Variants in ANKFY1 observed in about 807,000 individuals in gnomAD.
ANKFY1 encodes ankyrin repeat and FYVE domain containing 1.
ANKFY1 carries 47 observed loss-of-function variants against 128.3 expected under a neutral mutation model. The observed-to-expected ratio is 0.37, with a 90% CI of 0.29 to 0.47. The LOEUF (loss-of-function observed/expected upper bound fraction) is 0.47, where lower values mean the gene tolerates loss of function less well. Ranked by LOEUF, ANKFY1 falls within the 20% of genes least tolerant of loss-of-function variation. The pLI is 1.00. For missense variants in ANKFY1, 1,222 were observed against 1,510.6 expected (o/e 0.81, Z 3.17); for synonymous variants, 553 against 601.6 (o/e 0.92, Z 1.18).
chr17:4,252,565 CA>C (rs372440248), intron 1 of ANKFY1, among the ~76,000 whole-genome samples: 63 of 147,436 alleles, frequency 4.3e-4, no homozygotes, highest in Admixed American at 1.2e-3. Context: ...AACAAACAAA[CA>C]AAAAAAAAAT....
chr17:4,192,932 T>C lies in ANKFY1; in HGVS notation c.1372+2046A>G, dbSNP rs555922836. On this transcript the variant is annotated intron_variant, in intron 10 of 24. Transcript: ENST00000341657. ...CTAAGATTACACGTATAATGAAAAA[T>C]GAAATATATCAATAGAAAAAACAAT... Among the ~76,000 whole-genome samples the C allele has an allele frequency of 5.3e-5, 8 of 151,832 alleles. No homozygotes were observed. The South Asian group carries it at 1.7e-3, about 32-fold the overall frequency.
intron 4 of ANKFY1, among the ~76,000 whole-genome samples, chr17:4,215,282 T>C (rs866766376): frequency 5.7e-5 from 5 of 87,628 alleles, no homozygotes; most frequent in African/African-American, 1.5e-4. Context: ...AGTGAGGCTG[T>C]CTTCTAAAAA....
Position 4,183,526 on chromosome 17 carries a change from C to G in ANKFY1, c.1824G>C (p.Leu608=). The G allele has an allele frequency of 6.2e-7, 1 of 1,612,680 alleles. No homozygotes were observed. Among genetic ancestry groups the G allele is most frequent in the African/African-American group, 1.3e-5 (1 of 75,014 alleles). Residue 608 remains leucine, a synonymous_variant, in exon 14 of 25, where the codon CTG becomes CTC. Transcript: ENST00000341657. ...CATTGATGGCGGCTCCAGAGCCCAG[C>G]AGCTGGGCTGCGATCGTGTGCATGC... The part of the protein sequence containing the change: ...WTGMHTIAAQ[L]LGSGAAINDT...
intron 1 of ANKFY1, among the ~76,000 whole-genome samples, chr17:4,259,278 C>A (rs1009620256): frequency 6.6e-6 from 1 of 152,136 alleles, no homozygotes; most frequent in Non-Finnish European, 1.5e-5. Context: ...TTAAACACTA[C>A]ATTTTATTTT....
chr17:4,170,668 CACT>C (rs1272646041), intron 23 of ANKFY1, 44 bp downstream of exon 23: 1 of 1,569,530 alleles, frequency 6.4e-7, no homozygotes, highest in Non-Finnish European at 8.6e-7. Flanking sequence ...GCGATCCCAA[CACT>C]ACGACTGTGC....
chr17:4,262,870 C>G (rs1012697036), intron 1 of ANKFY1, among the ~76,000 whole-genome samples: 9 of 152,184 alleles, frequency 5.9e-5, no homozygotes, highest in African/African-American at 1.9e-4. Context: ...ACGAGGTTAT[C>G]TGAAGTCTAA....
rs2060359419 is a variant in ANKFY1, at chr17:4,223,290, T to G, written c.323-6172A>C. ...AACTGAGGGAATCTTCACTTGTTTT[T>G]ACGGCAGTGCAAGTTAGTAGAGGCC... is the stretch of plus-strand genomic sequence containing the variant. On this transcript the variant is annotated intron_variant, in intron 3 of 24. Coordinates refer to ENST00000341657, the MANE Select transcript of ANKFY1 (RefSeq NM_001330063.2). 8 of 1,013,684 alleles carry G rather than the reference T, an allele frequency of 7.9e-6. No individual in the cohort carries two copies. In the East Asian group the frequency reaches 1.9e-4, roughly 24 times the overall value. 62.8% of individuals were successfully genotyped at this position (1,013,684 alleles called of 1,614,324 possible). A position where few individuals can be genotyped will look rare whatever the true frequency, so the allele number is the denominator to read the frequency against.
At chr17:4,263,511 C>A (rs1166228098) in intron 1 of ANKFY1, 3 of 1,373,290 alleles carry the variant, frequency 2.2e-6, no homozygotes, top group African/African-American at 2.9e-5. Context: ...GAGACCCACG[C>A]TCTTCCGCAA....
chr17:4,235,924 A>C, intron 2 of ANKFY1, 34 bp from the exon 3 acceptor site: 1 of 1,486,896 alleles, frequency 6.7e-7, no homozygotes, highest in Non-Finnish European at 9.4e-7. Context: ...ATATTAGAAA[A>C]ATGTCATCAT....
intron 23 of ANKFY1, 133 bp downstream of exon 23, chr17:4,170,582 C>T: frequency 6.2e-6 from 8 of 1,281,216 alleles, no homozygotes; most frequent in Non-Finnish European, 8.5e-6. Context: ...GAGAAATGGT[C>T]CCAGCTACTG....
intron 10 of ANKFY1, among the ~76,000 whole-genome samples, chr17:4,190,367 C>T (rs556787450): frequency 7.2e-5 from 11 of 151,900 alleles, no homozygotes; most frequent in Admixed American, 5.9e-4. Context: ...CTTGAACCCA[C>T]GAGGCAGAGG....
intron 4 of ANKFY1, among the ~76,000 whole-genome samples, chr17:4,210,261 C>G (rs79354780): frequency 6.6e-6 from 1 of 152,158 alleles, no homozygotes; most frequent in Non-Finnish European, 1.5e-5. Flanking sequence ...AGGTAATTGT[C>G]GAATCAAGCA....
intron 14 of ANKFY1, among the ~76,000 whole-genome samples, 192 bp from the exon 15 acceptor site, chr17:4,182,541 A>G (rs1052139686): frequency 1.3e-5 from 2 of 152,222 alleles, no homozygotes; most frequent in African/African-American, 4.8e-5. Flanking sequence ...ACACATAACC[A>G]TGTCACCTTA....
At chr17:4,183,725 C>A in intron 13 of ANKFY1, 87 bp downstream of exon 13, 1 of 1,461,276 alleles carries the variant, frequency 6.8e-7, no homozygotes, top group Non-Finnish European at 9.5e-7. Flanking sequence ...CCAGTCTCCT[C>A]TTTCTTTCTC....
chr17:4,255,951 A>G (rs1167449006), intron 1 of ANKFY1, among the ~76,000 whole-genome samples: 3 of 151,950 alleles, frequency 2.0e-5, no homozygotes, highest in South Asian at 4.1e-4. Context: ...CCGAATAGCT[A>G]GGATTACAGG....
chr17:4,213,203 T>G (rs1310132628), intron 4 of ANKFY1, among the ~76,000 whole-genome samples: 1 of 151,956 alleles, frequency 6.6e-6, no homozygotes, highest in Non-Finnish European at 1.5e-5. Context: ...GCTTTGGGTT[T>G]TTTTTGAGAC....
intron 4 of ANKFY1, among the ~76,000 whole-genome samples, chr17:4,213,143 T>A (rs1438108839): frequency 6.6e-6 from 1 of 152,166 alleles, no homozygotes; most frequent in Non-Finnish European, 1.5e-5. Flanking sequence ...GAGTCATTTC[T>A]CTGTTTAGCA....
chr17:4,216,638 A>G (rs1205987109), intron 4 of ANKFY1: 4 of 339,160 alleles, frequency 1.2e-5, no homozygotes, highest in African/African-American at 8.5e-5. Context: ...TCAACTTGAT[A>G]TATCAGAAAA....
intron 8 of ANKFY1, 143 bp downstream of exon 8, chr17:4,197,230 C>T: frequency 1.2e-6 from 1 of 822,044 alleles, no homozygotes; most frequent in Admixed American, 2.2e-5. Flanking sequence ...TACTACTACA[C>T]ATCGATGTCT....
Sources: gnomAD v4.1 joint callset for allele counts (sites outside exome capture counted in the v4.1 genomes callset) on GRCh38, gnomAD v4.1.1 for gene constraint, MANE v1.5 for transcripts, NCBI Gene and HGNC (gene_info 2026-07-23, HGNC 2026-07-21) for gene names.